Variants in SLC22A9 observed in about 807,000 individuals in gnomAD.
The protein encoded by SLC22A9 is solute carrier family 22 member 9.
A neutral mutation model predicts 50.1 loss-of-function variants in SLC22A9; 64 were observed. The observed-to-expected ratio is 1.28, with a 90% CI of 1.04 to 1.57. The LOEUF (loss-of-function observed/expected upper bound fraction) is 1.57, where lower values mean the gene tolerates loss of function less well. Among genes scored for constraint, SLC22A9 ranks in the 40% most tolerant of loss-of-function variants. The pLI is 0.00. For missense variants in SLC22A9, 757 were observed against 676.1 expected, an observed-to-expected ratio of 1.12 and a Z score of -1.33; for synonymous variants, 261 against 242.5, an observed-to-expected ratio of 1.08 and a Z score of -0.71.
At chr11:63,388,076 T>A (rs1432188432) in intron 6 of SLC22A9, among the ~76,000 whole-genome samples, 4 of 152,114 alleles carry the variant, frequency 2.6e-5, no homozygotes, top group African/African-American at 9.6e-5. Context: ...TGGTGGGGTC[T>A]TTAGATTTTT....
intron 6 of SLC22A9, among the ~76,000 whole-genome samples, chr11:63,392,406 TTGA>T (rs2014780327): frequency 6.6e-6 from 1 of 152,118 alleles, no homozygotes; most frequent in Non-Finnish European, 1.5e-5. Context: ...AGGTCTGGTG[TTGA>T]TGAAATCCCT....
chr11:63,372,094 G>A (rs1261372710), intron 2 of SLC22A9, among the ~76,000 whole-genome samples: 3 of 152,134 alleles, frequency 2.0e-5, no homozygotes, highest in African/African-American at 2.4e-5. Context: ...GGAAAATGCA[G>A]ATAGACCAAT....
chr11:63,407,395 T>C (rs1421546706), intron 7 of SLC22A9, among the ~76,000 whole-genome samples: 2 of 152,178 alleles, frequency 1.3e-5, no homozygotes, highest in Non-Finnish European at 2.9e-5. Context: ...GTAATGTATC[T>C]AACAGGATCT....
In SLC22A9 at chr11:63,406,297, C is replaced by A. The variant is rs372957167; in HGVS notation, c.1074-200C>A. Among the ~76,000 whole-genome samples, 59 of 152,278 alleles carry A rather than the reference C, an allele frequency of 3.9e-4. No individual in the cohort carries two copies. The South Asian group carries it at 0.012, about 30-fold the overall frequency. On this transcript the variant is annotated intron_variant, in intron 6 of 9. Coordinates refer to ENST00000279178, the MANE Select transcript of SLC22A9 (RefSeq NM_080866.3). ...CCAGCCTCTTCTCTAGTATTAATAACTTCTTCACAAATAGTTCCATAATGT... is the reference window on the plus strand; with the variant it reads ...CCAGCCTCTTCTCTAGTATTAATAAATTCTTCACAAATAGTTCCATAATGT...
intron 6 of SLC22A9, among the ~76,000 whole-genome samples, chr11:63,399,595 T>C (rs918948516): frequency 1.3e-5 from 2 of 152,142 alleles, no homozygotes; most frequent in African/African-American, 4.8e-5. Context: ...AGTACAAAAA[T>C]AGTTGAGAAT....
At chr11:63,400,257 G>A (rs111234683) in intron 6 of SLC22A9, among the ~76,000 whole-genome samples, 3 of 151,790 alleles carry the variant, frequency 2.0e-5, no homozygotes, top group African/African-American at 7.2e-5. Flanking sequence ...ACATCAACAA[G>A]GCTTTATGCA....
At chr11:63,379,165 G>A (rs2014518046) in intron 5 of SLC22A9, among the ~76,000 whole-genome samples, 1 of 152,092 alleles carries the variant, frequency 6.6e-6, no homozygotes, top group Admixed American at 6.6e-5. Context: ...CTGGTACAAA[G>A]ACAGAAAGGT....
chr11:63,407,054 T>C (rs2015053442), intron 7 of SLC22A9, among the ~76,000 whole-genome samples: 1 of 152,192 alleles, frequency 6.6e-6, no homozygotes, highest in Non-Finnish European at 1.5e-5. Context: ...GCCTTGTCAT[T>C]GTTTCCCAAC....
chr11:63,386,652 A>G lies in SLC22A9; in HGVS notation c.1073+4375A>G, dbSNP rs946868679. Among the ~76,000 whole-genome samples, 5 of 151,096 alleles carry G rather than the reference A, an allele frequency of 3.3e-5. No individual in the cohort carries two copies. In the South Asian group the frequency reaches 6.3e-4, roughly 19 times the overall value. ...TCCTCTGATGGTAGTTTGTATTTCT[A>G]TGGGGCCAGTGGTGATATCCACTTT... On this transcript the variant is annotated intron_variant, in intron 6 of 9. Transcript: ENST00000279178.
At chr11:63,396,510 A>G (rs1476435261) in intron 6 of SLC22A9, among the ~76,000 whole-genome samples, 5 of 151,806 alleles carry the variant, frequency 3.3e-5, no homozygotes, top group Non-Finnish European at 7.4e-5. Flanking sequence ...TCTCTTTTCT[A>G]CTTCTGCAGT....
chr11:63,391,396 G>A lies in SLC22A9; in HGVS notation c.1073+9119G>A, dbSNP rs564387985. 3.5e-3 allele frequency among the ~76,000 whole-genome samples: 526 copies of A among 152,148 alleles called. 5 individuals carry two copies. The highest frequency in any genetic ancestry group is 0.012 in the African/African-American group (497 of 41,540). On this transcript the variant is annotated intron_variant, in intron 6 of 9. Transcript: ENST00000279178. ...TGTTGATTTTCTGTCTGGATGATCTGTCCATTGCAGAAAGTGGGAAGTTGA... is the reference window on the plus strand; with the variant it reads ...TGTTGATTTTCTGTCTGGATGATCTATCCATTGCAGAAAGTGGGAAGTTGA...
In SLC22A9 at chr11:63,370,317, G is replaced by A; in HGVS notation, c.261G>A (p.Lys87=). 6.2e-7 allele frequency: 1 copy of A among 1,614,038 alleles called. No homozygotes were observed. The highest frequency in any genetic ancestry group is 8.5e-7 in the Non-Finnish European group (1 of 1,179,908). ...TGGACTCAAACATGAGGCCAGAGAA[G>A]TGTCGTCGCTTTGTTCATCCTCAGT... ...IPLDSNMRPE[K]CRRFVHPQWQ... The change falls in exon 1 of 10, where the codon AAG becomes AAA. Residue 87 remains lysine, a synonymous_variant. Coordinates refer to ENST00000279178, the MANE Select transcript of SLC22A9 (RefSeq NM_080866.3).
Position 63,370,358 on chromosome 11 carries a change from T to A in SLC22A9, c.302T>A (p.Leu101Gln). The change falls in exon 1 of 10, where the codon CTG becomes CAG. Residue 101 changes from leucine to glutamine, a missense_variant. Coordinates refer to ENST00000279178, the MANE Select transcript of SLC22A9 (RefSeq NM_080866.3). ...CATCCTCAGTGGCAGCTCCTTCACC[T>A]GAATGGGACCTTCCCCAACACAAGT... ...FVHPQWQLLH[L>Q]NGTFPNTSDA... 6.2e-7 allele frequency: 1 copy of A among 1,613,960 alleles called. No individual in the cohort carries two copies. The highest frequency in any genetic ancestry group is 8.5e-7 in the Non-Finnish European group (1 of 1,179,864).
intron 2 of SLC22A9, among the ~76,000 whole-genome samples, chr11:63,371,662 A>C (rs1342628955): frequency 6.6e-6 from 1 of 152,222 alleles, no homozygotes; most frequent in Non-Finnish European, 1.5e-5. Flanking sequence ...TCCAAGTGTG[A>C]TGAACACGCA....
intron 6 of SLC22A9, among the ~76,000 whole-genome samples, chr11:63,394,024 T>C (rs949493452): frequency 6.6e-6 from 1 of 152,208 alleles, no homozygotes; most frequent in Non-Finnish European, 1.5e-5. Context: ...CTTGTCTTCA[T>C]GCTTTATTTC....
At chr11:63,396,534 G>A (rs866726919) in intron 6 of SLC22A9, among the ~76,000 whole-genome samples, 3 of 152,106 alleles carry the variant, frequency 2.0e-5, no homozygotes, top group South Asian at 2.1e-4. Flanking sequence ...GGCACTCATC[G>A]TATTTGGGAT....
At position 63,370,231 on chromosome 11, in the gene SLC22A9, G is replaced by A. The variant is rs749311973; in HGVS notation, c.175G>A (p.Val59Ile). Residue 59 changes from valine (V) to isoleucine (I), a missense_variant, in exon 1 of 10, where the codon GTC (valine) becomes ATC (isoleucine). Coordinates refer to ENST00000279178, the MANE Select transcript of SLC22A9 (RefSeq NM_080866.3). ...CWVHILDNDTVSDNDTGALSQ... is the reference protein window; with the variant it reads ...CWVHILDNDTISDNDTGALSQ... ...GGTCCACATCCTGGACAATGACACT[G>A]TCTCTGACAATGACACTGGGGCCCT... 2 of 1,613,934 alleles carry A rather than the reference G, an allele frequency of 1.2e-6. No individual in the cohort carries two copies. The highest frequency in any genetic ancestry group is 1.7e-6 in the Non-Finnish European group (2 of 1,179,948).
At chr11:63,379,493 A>G (rs183409182) in intron 5 of SLC22A9, among the ~76,000 whole-genome samples, 22 of 152,350 alleles carry the variant, frequency 1.4e-4, no homozygotes, top group Non-Finnish European at 2.5e-4. Flanking sequence ...AATTGCCACA[A>G]AAACAAAAGT....
Position 63,395,070 on chromosome 11 carries a change from A to G in SLC22A9, c.1074-11427A>G, listed in dbSNP as rs115812708. On this transcript the variant is annotated intron_variant, in intron 6 of 9. Coordinates refer to ENST00000279178, the MANE Select transcript of SLC22A9 (RefSeq NM_080866.3). ...GAGCATTTTGCATTTCTATAAGTGT[A>G]TCCAATATTTCCTGAAGTTTCTTTT... 6.1e-3 allele frequency among the ~76,000 whole-genome samples: 931 copies of G among 151,960 alleles called. 10 individuals carry two copies. The highest frequency in any genetic ancestry group is 0.021 in the African/African-American group (852 of 41,456).
Sources: gnomAD v4.1 joint callset for allele counts (sites outside exome capture counted in the v4.1 genomes callset) on GRCh38, gnomAD v4.1.1 for gene constraint, MANE v1.5 for transcripts, NCBI Gene and HGNC (gene_info 2026-07-23, HGNC 2026-07-21) for gene names.